KCNN1: variants seen among roughly 807,000 people sequenced by gnomAD.
The protein encoded by KCNN1 is potassium calcium-activated channel subfamily N member 1.
KCNN1 carries 20 observed loss-of-function variants against 44.7 expected under a neutral mutation model. The ratio of observed to expected loss-of-function variants is 0.45; its 90% CI spans 0.32 to 0.65. KCNN1 has a LOEUF of 0.65. Ranked by LOEUF, KCNN1 falls within the 30% of genes least tolerant of loss-of-function variation. The pLI is 0.05. For synonymous variants in KCNN1, 324 were observed against 341.7 expected (o/e 0.95, Z 0.57); for missense variants, 632 against 785.3 (o/e 0.80, Z 2.33).
At chr19:17,957,070 C>A (rs1468696025) in intron 2 of KCNN1, among the ~76,000 whole-genome samples, 33 of 94,260 alleles carry the variant, frequency 3.5e-4, no homozygotes, top group Non-Finnish European at 4.5e-4. Context: ...CAAAACAAAA[C>A]AAAAAAACAA....
chr19:17,955,562 C>CA (rs58125650), intron 2 of KCNN1, among the ~76,000 whole-genome samples: 1,952 of 53,638 alleles, frequency 0.036, 24 homozygotes, highest in Non-Finnish European at 0.059. Context: ...ACTCCATCTC[C>CA]AAAAAAAAAA....
intron 2 of KCNN1, among the ~76,000 whole-genome samples, chr19:17,955,402 A>G (rs1369214655): frequency 6.6e-6 from 1 of 151,534 alleles, no homozygotes; most frequent in African/African-American, 2.4e-5. Flanking sequence ...TCTCTACTAA[A>G]AATACAAAAT....
At chr19:17,966,434 G>A (rs2031811389), upstream of KCNN1, among the ~76,000 whole-genome samples, 1 of 152,212 alleles carries the variant, frequency 6.6e-6, no homozygotes, top group Non-Finnish European at 1.5e-5. Flanking sequence ...TTCAGCCTGG[G>A]TGCTGGGGGA....
intron 4 of KCNN1, chr19:17,982,560 G>A (rs2032454224): frequency 1.0e-6 from 1 of 985,246 alleles, no homozygotes; most frequent in Non-Finnish European, 1.2e-6. Flanking sequence ...CGCTCCACTG[G>A]ACTTTAGGGA....
At position 17,998,012 on chromosome 19, in the gene KCNN1, A is replaced by T. The variant is rs897442167; in HGVS notation, c.1378-140A>T. The stretch of plus-strand genomic sequence containing the variant: ...TGGGGCTGGGGGTATCCTCCCAGCC[A>T]CCCCTCACACGGGCCCCATTAGTGG... On this transcript the variant is annotated intron_variant, in intron 9 of 9. Coordinates refer to ENST00000684775, the MANE Select transcript of KCNN1 (RefSeq NM_001386974.1). The surrounding 1 kb of genome is among the most constrained non-coding windows in gnomAD (Gnocchi z 5.4). 125 of 907,680 alleles carry T rather than the reference A, an allele frequency of 1.4e-4. 1 individual carries two copies. The highest frequency in any genetic ancestry group is 1.8e-4 in the Non-Finnish European group (112 of 636,486). The allele number at this position is 907,680 out of a possible 1,614,324, so 56.2% of individuals were successfully genotyped here. A position where few individuals can be genotyped will look rare whatever the true frequency, so the allele number is the denominator to read the frequency against.
Position 17,999,854 on chromosome 19 carries a change from C to T in KCNN1, c.*1448C>T. 1 of 399,410 alleles carries T rather than the reference C, an allele frequency of 2.5e-6. No homozygotes were observed. Among genetic ancestry groups the T allele is most frequent in the African/African-American group, 2.1e-5 (1 of 48,320 alleles). 24.7% of individuals were successfully genotyped at this position (399,410 alleles called of 1,614,324 possible). A position where few individuals can be genotyped will look rare whatever the true frequency, so the allele number is the denominator to read the frequency against. The stretch of plus-strand genomic sequence containing the variant: ...AGGCCGTGGCTGGTGCATGAATGAC[C>T]AGCTTGGGCCCACGCACGAGAAGGG... On this transcript the variant is annotated 3_prime_UTR_variant, in exon 10 of 10. Coordinates refer to ENST00000684775, the MANE Select transcript of KCNN1 (RefSeq NM_001386974.1).
chr19:17,966,370 G>A (rs2031809900), upstream of KCNN1, among the ~76,000 whole-genome samples: 1 of 152,144 alleles, frequency 6.6e-6, no homozygotes, highest in Admixed American at 6.5e-5. Flanking sequence ...CTACCCACTG[G>A]TCCCCAAAGC....
intron 3 of KCNN1, among the ~76,000 whole-genome samples, chr19:17,976,501 C>G (rs1172418969): frequency 6.6e-6 from 1 of 151,020 alleles, no homozygotes; most frequent in Non-Finnish European, 1.5e-5. Context: ...TCACCGCAAC[C>G]TACGCCTCCT....
At chr19:17,964,957 G>C (rs1235943669), upstream of KCNN1, among the ~76,000 whole-genome samples, 2 of 152,150 alleles carry the variant, frequency 1.3e-5, no homozygotes, top group African/African-American at 4.8e-5. The surrounding 1 kb of genome is among the most constrained non-coding windows in gnomAD (Gnocchi z 4.3). Flanking sequence ...TGAATTTCGG[G>C]ACAGTTACAT....
In KCNN1 at chr19:17,973,861, C is replaced by T. The variant is rs1471574675; in HGVS notation, c.-28C>T. On this transcript the variant is annotated 5_prime_UTR_variant, in exon 2 of 10. Coordinates refer to ENST00000684775, the MANE Select transcript of KCNN1 (RefSeq NM_001386974.1). ...ATGCCGGGCCCCGGGCGGCCTGCAG[C>T]GAGCCCAACCCCTGCACCCAGGTAG... The T allele has an allele frequency of 4.5e-6, 7 of 1,544,590 alleles. No homozygotes were observed. Among genetic ancestry groups the T allele is most frequent in the South Asian group, 1.2e-5 (1 of 84,104 alleles).
At chr19:17,980,452 TGTTTTA>T (rs765893353) in intron 3 of KCNN1, among the ~76,000 whole-genome samples, 108 of 152,072 alleles carry the variant, frequency 7.1e-4, no homozygotes, top group South Asian at 1.2e-3. Context: ...CTTAAACACT[TGTTTTA>T]GTTTCTCTTG....
upstream of KCNN1, among the ~76,000 whole-genome samples, chr19:17,963,173 C>T (rs111380643): frequency 2.6e-5 from 4 of 151,532 alleles, no homozygotes; most frequent in African/African-American, 9.7e-5. Context: ...ACGCCACACC[C>T]GGCTAAGTTT....
intron 1 of KCNN1, among the ~76,000 whole-genome samples, chr19:17,967,667 G>T (rs911234193): frequency 6.6e-6 from 1 of 151,978 alleles, no homozygotes; most frequent in Non-Finnish European, 1.5e-5. Context: ...ATGGGAGGGA[G>T]GTGACCCACC....
intron 4 of KCNN1, 62 bp downstream of exon 4, chr19:17,982,189 C>A (rs2032441961): frequency 7.6e-7 from 1 of 1,319,902 alleles, no homozygotes; most frequent in Non-Finnish European, 1.0e-6. Flanking sequence ...GACCTCCATG[C>A]CCATTCATGA....
intron 1 of KCNN1, among the ~76,000 whole-genome samples, chr19:17,970,801 TG>T (rs1480460936): frequency 6.6e-6 from 1 of 151,954 alleles, no homozygotes; most frequent in Non-Finnish European, 1.5e-5. Context: ...AGACACAGTG[TG>T]GGGGGTGCCG....
At chr19:17,972,868 T>G (rs2032068819) in intron 1 of KCNN1, among the ~76,000 whole-genome samples, 1 of 152,246 alleles carries the variant, frequency 6.6e-6, no homozygotes, top group South Asian at 2.1e-4. Flanking sequence ...AAGTGTTTCC[T>G]GAGTGTCATC....
rs2032492053 is a variant in KCNN1 at position 17,983,529 on chromosome 19, AG to A, written c.917+1406del. On this transcript the variant is annotated intron_variant, in intron 4 of 9. Transcript: ENST00000684775. The surrounding 1 kb of genome is among the most constrained non-coding windows in gnomAD (Gnocchi z 4.5). ...GATGGGTGGGGTCAGAACTAGGGTT[AG>A]GGGTATGGGGTGCCCCTCGTCAGGT... Among the ~76,000 whole-genome samples the A allele has an allele frequency of 6.7e-6, 1 of 150,112 alleles. No individual in the cohort carries two copies. Among genetic ancestry groups the A allele is most frequent in the Non-Finnish European group, 1.5e-5 (1 of 67,416 alleles).
Sources: allele counts gnomAD v4.1 joint callset (sites outside exome capture counted in the v4.1 genomes callset), GRCh38; gene constraint gnomAD v4.1.1; non-coding constraint Gnocchi (gnomAD v3.1); transcripts MANE v1.5; gene names NCBI Gene and HGNC (gene_info 2026-07-23, HGNC 2026-07-21).